The following RAB28 variants were observed in gnomAD, a reference collection of about 807,000 sequenced individuals.
The protein encoded by RAB28 is RAB28, member RAS oncogene family, also known as ras-related protein Rab-28.
RAB28 carries 24 observed loss-of-function variants against 31.7 expected under a neutral mutation model. The observed-to-expected ratio is 0.76, with a 90% CI of 0.55 to 1.06. The LOEUF (loss-of-function observed/expected upper bound fraction) is 1.06, where lower values mean the gene tolerates loss of function less well. RAB28 is among the 50% of genes least tolerant of loss of function. The pLI is 0.00. For synonymous variants in RAB28, 100 were observed against 90.4 expected, an observed-to-expected ratio of 1.11 and a Z score of -0.60; for missense variants, 254 against 258.5, an observed-to-expected ratio of 0.98 and a Z score of 0.12.
At chr4:13,446,375 A>G (rs887817835) in intron 4 of RAB28, among the ~76,000 whole-genome samples, 1 of 152,122 alleles carries the variant, frequency 6.6e-6, no homozygotes, top group Non-Finnish European at 1.5e-5. Context: ...AGGGGAGTGG[A>G]CAGTTTTCCT....
chr4:13,471,213 C>A (rs1716101982), intron 3 of RAB28, among the ~76,000 whole-genome samples: 1 of 151,978 alleles, frequency 6.6e-6, no homozygotes, highest in Non-Finnish European at 1.5e-5. Context: ...TATAAAGCAT[C>A]TATAACTCCA....
chr4:13,481,907 G>C (rs1283799391), intron 1 of RAB28, among the ~76,000 whole-genome samples: 1 of 152,000 alleles, frequency 6.6e-6, no homozygotes, highest in Non-Finnish European at 1.5e-5. Flanking sequence ...ACAAAGAAAA[G>C]AACAATAAAG....
At chr4:13,444,639 T>G (rs1668159850) in intron 4 of RAB28, among the ~76,000 whole-genome samples, 1 of 152,252 alleles carries the variant, frequency 6.6e-6, no homozygotes, top group Non-Finnish European at 1.5e-5. Flanking sequence ...AAGGGTTCCT[T>G]TTTCTTCACA....
At chr4:13,395,880 T>C (rs1392623079) in intron 4 of RAB28, among the ~76,000 whole-genome samples, 2 of 152,082 alleles carry the variant, frequency 1.3e-5, no homozygotes, top group African/African-American at 4.8e-5. Flanking sequence ...CAAGTATTTA[T>C]TTTCCAACAT....
At chr4:13,460,897 G>T in intron 3 of RAB28, 69 bp from the exon 4 acceptor site, 2 of 1,437,176 alleles carry the variant, frequency 1.4e-6, no homozygotes, top group Non-Finnish European at 1.9e-6. Flanking sequence ...GAATACTTGC[G>T]TAATGCTTCA....
intron 4 of RAB28, among the ~76,000 whole-genome samples, chr4:13,440,356 G>A (rs558670382): frequency 3.3e-5 from 5 of 152,170 alleles, no homozygotes; most frequent in East Asian, 1.9e-4. Context: ...AAAAAAAAGT[G>A]AGGAGGCACC....
At chr4:13,389,574 T>C (rs1156834730) in intron 4 of RAB28, among the ~76,000 whole-genome samples, 3 of 152,142 alleles carry the variant, frequency 2.0e-5, no homozygotes. Flanking sequence ...ATAATGACTC[T>C]TGAAGTACTC....
At chr4:13,405,786 C>T (rs1000610390) in intron 4 of RAB28, among the ~76,000 whole-genome samples, 4 of 152,106 alleles carry the variant, frequency 2.6e-5, no homozygotes, top group African/African-American at 9.7e-5. Flanking sequence ...AGAGCACTAA[C>T]AAGAATTTTC....
intron 3 of RAB28, among the ~76,000 whole-genome samples, chr4:13,465,351 T>C (rs1715787352): frequency 6.7e-6 from 1 of 149,876 alleles, no homozygotes; most frequent in African/African-American, 2.5e-5. Flanking sequence ...TATATTCAAA[T>C]TGCTCAAAAG....
intron 4 of RAB28, among the ~76,000 whole-genome samples, chr4:13,441,212 G>C (rs566405486): frequency 7.2e-5 from 11 of 152,214 alleles, no homozygotes; most frequent in African/African-American, 2.4e-4. Context: ...AGTTTGCTAC[G>C]CCCTTGCTAT....
chr4:13,429,434 T>G (rs1713685749), intron 4 of RAB28, among the ~76,000 whole-genome samples: 1 of 152,212 alleles, frequency 6.6e-6, no homozygotes, highest in Non-Finnish European at 1.5e-5. Flanking sequence ...TCAGCAAGGT[T>G]GTAAAATACA....
At chr4:13,471,020 AT>A (rs948489011) in intron 3 of RAB28, among the ~76,000 whole-genome samples, 8 of 152,232 alleles carry the variant, frequency 5.3e-5, no homozygotes, top group African/African-American at 1.9e-4. Context: ...AAAGAAACAG[AT>A]TGACTAGTTT....
At chr4:13,392,779 AGGAAATAAAT>A (rs1326689299) in intron 4 of RAB28, among the ~76,000 whole-genome samples, 1 of 152,224 alleles carries the variant, frequency 6.6e-6, no homozygotes, top group Non-Finnish European at 1.5e-5. Context: ...TAAGTATGTG[AGGAAATAAAT>A]ACGTTAATTA....
At chr4:13,471,874 A>C (rs985612934) in intron 3 of RAB28, among the ~76,000 whole-genome samples, 2 of 152,132 alleles carry the variant, frequency 1.3e-5, no homozygotes, top group Non-Finnish European at 2.9e-5. Context: ...TGTACCTTCA[A>C]GACAGAAACT....
intron 3 of RAB28, among the ~76,000 whole-genome samples, chr4:13,464,647 T>C (rs950198422): frequency 1.3e-5 from 2 of 152,072 alleles, no homozygotes; most frequent in African/African-American, 4.8e-5. Context: ...AAAACAAGGA[T>C]GCTAGAGGAA....
intron 4 of RAB28, among the ~76,000 whole-genome samples, chr4:13,400,291 A>T (rs1026586326): frequency 3.2e-4 from 49 of 152,300 alleles, no homozygotes; most frequent in Non-Finnish European, 6.3e-4. Flanking sequence ...TCTCAGAAGC[A>T]TATTCTTATT....
chr4:13,389,747 C>T (rs910177246), intron 4 of RAB28, among the ~76,000 whole-genome samples: 1 of 152,028 alleles, frequency 6.6e-6, no homozygotes, highest in Non-Finnish European at 1.5e-5. Flanking sequence ...AGCTTTTATT[C>T]AGAAGCAACA....
chr4:13,480,516 A>G (rs1716562037), intron 1 of RAB28, among the ~76,000 whole-genome samples: 1 of 151,886 alleles, frequency 6.6e-6, no homozygotes, highest in African/African-American at 2.4e-5. Flanking sequence ...TAAATTTCCA[A>G]GATAGCTTAT....
At chr4:13,401,211 T>C (rs1711731208) in intron 4 of RAB28, among the ~76,000 whole-genome samples, 1 of 152,224 alleles carries the variant, frequency 6.6e-6, no homozygotes. Context: ...TGTAGTATTC[T>C]TTGTGGAAAC....
Sources: allele counts gnomAD v4.1 joint callset (sites outside exome capture counted in the v4.1 genomes callset), GRCh38; gene constraint gnomAD v4.1.1; transcripts MANE v1.5; gene names NCBI Gene and HGNC (gene_info 2026-07-23, HGNC 2026-07-21).